Variants in APIP observed in about 807,000 individuals in gnomAD.
APIP encodes APAF1 interacting protein.
Under a neutral mutation model 32.0 loss-of-function variants are expected in APIP, and 32 were observed. The ratio of observed to expected loss-of-function variants is 1.00; its 90% confidence interval spans 0.76 to 1.34. The LOEUF is 1.34. APIP is among the 40% of genes most tolerant of loss of function. APIP has a pLI of 0.00. For missense variants in APIP, 247 were observed against 298.6 expected, an observed-to-expected ratio of 0.83 and a Z score of 1.27; for synonymous variants, 92 against 94.8, an observed-to-expected ratio of 0.97 and a Z score of 0.17.
intron 1 of APIP, among the ~76,000 whole-genome samples, chr11:34,902,334 T>C (rs1853382147): frequency 6.6e-6 from 1 of 152,214 alleles, no homozygotes; most frequent in Admixed American, 6.5e-5. Flanking sequence ...GTTAGGGTCT[T>C]GCATTAGTTG....
At chr11:34,915,858 T>A in intron 1 of APIP, 1 of 312,118 alleles carries the variant, frequency 3.2e-6, no homozygotes, top group Non-Finnish European at 5.9e-6. Flanking sequence ...GAAAAGAAGC[T>A]TGGGGGGCGC....
chr11:34,891,290 A>C (rs1853182165), intron 2 of APIP, among the ~76,000 whole-genome samples: 1 of 152,174 alleles, frequency 6.6e-6, no homozygotes. Context: ...AATTAATTTC[A>C]AATCTTCTCT....
chr11:34,905,661 A>C (rs1455761232), intron 1 of APIP, among the ~76,000 whole-genome samples: 1 of 152,184 alleles, frequency 6.6e-6, no homozygotes, highest in Non-Finnish European at 1.5e-5. Flanking sequence ...GGAGAGTGCA[A>C]CAAGGGTGAT....
At chr11:34,915,882 G>T in intron 1 of APIP, 1 of 381,912 alleles carries the variant, frequency 2.6e-6, no homozygotes. Flanking sequence ...CTTCGCCCCA[G>T]CTCCACTTCG....
chr11:34,893,122 T>C (rs987007653), intron 2 of APIP, among the ~76,000 whole-genome samples: 1 of 152,148 alleles, frequency 6.6e-6, no homozygotes, highest in Non-Finnish European at 1.5e-5. Context: ...TAAAAGCCCA[T>C]TTAATTTTAA....
chr11:34,894,008 T>C (rs151004289), intron 2 of APIP, among the ~76,000 whole-genome samples: 60 of 152,292 alleles, frequency 3.9e-4, no homozygotes, highest in African/African-American at 1.3e-3. Context: ...GACAATAATA[T>C]TCCTAACACA....
chr11:34,915,779 C>A, intron 1 of APIP: 1 of 203,108 alleles, frequency 4.9e-6, no homozygotes, highest in Non-Finnish European at 9.9e-6. Flanking sequence ...TGAGGCACAG[C>A]TCCGGTTCGG....
At chr11:34,887,537 G>T (rs1197418564) in intron 5 of APIP, among the ~76,000 whole-genome samples, 1 of 152,156 alleles carries the variant, frequency 6.6e-6, no homozygotes, top group Non-Finnish European at 1.5e-5. Flanking sequence ...ATTACATGCA[G>T]TAAGAATATG....
Position 34,906,201 on chromosome 11 carries a change from T to A in APIP, c.57+10027A>T, listed in dbSNP as rs141244633. ...TGTGGCTCCTGGATACATTTAATCC[T>A]CCCAAGGCATTGGAAGGGAACTTGT... On this transcript the variant is annotated intron_variant, in intron 1 of 6. Coordinates refer to ENST00000395787, the MANE Select transcript of APIP (RefSeq NM_015957.4). Among the ~76,000 whole-genome samples the A allele has an allele frequency of 2.9e-3, 443 of 152,244 alleles. 2 individuals carry two copies. The highest frequency in any genetic ancestry group is 0.01 in the African/African-American group (429 of 41,532).
At chr11:34,885,729 C>T (rs541648295) in intron 5 of APIP, among the ~76,000 whole-genome samples, 5 of 152,242 alleles carry the variant, frequency 3.3e-5, no homozygotes, top group South Asian at 2.1e-4. Flanking sequence ...TGGTGGCAGG[C>T]GCAGTGTGAG....
In APIP at chr11:34,888,877, TA is replaced by T. The variant is rs1853135097; in HGVS notation, c.208-9del. 1 of 1,450,826 alleles carries T rather than the reference TA, an allele frequency of 6.9e-7. No homozygotes were observed. The allele number at this position is 1,450,826 out of a possible 1,614,324, so 89.9% of individuals were successfully genotyped here. On this transcript the variant is annotated splice_polypyrimidine_tract_variant and intron_variant, in intron 3 of 6. Coordinates refer to ENST00000395787, the MANE Select transcript of APIP (RefSeq NM_015957.4). ...AACAAACATGTCTTCAGGCTATTTA[TA>T]GAGGGGAAAAAAAGAAAAAAAGAAG...
intron 1 of APIP, among the ~76,000 whole-genome samples, chr11:34,913,198 T>C (rs774239760): frequency 1.8e-4 from 27 of 152,204 alleles, no homozygotes; most frequent in Non-Finnish European, 3.5e-4. Flanking sequence ...CCAGGCCTTC[T>C]TCAGTCATCC....
chr11:34,885,008 C>T (rs1355882459), intron 5 of APIP, among the ~76,000 whole-genome samples: 1 of 151,026 alleles, frequency 6.6e-6, no homozygotes, highest in Non-Finnish European at 1.5e-5. Flanking sequence ...TTTCACTGTA[C>T]CATAGAGACA....
chr11:34,909,602 G>A (rs757567548), intron 1 of APIP, among the ~76,000 whole-genome samples: 2 of 152,184 alleles, frequency 1.3e-5, no homozygotes, highest in Non-Finnish European at 2.9e-5. Flanking sequence ...AACAGCAGGT[G>A]TGAAGGCTCT....
At chr11:34,906,927 T>C (rs1853468671) in intron 1 of APIP, among the ~76,000 whole-genome samples, 1 of 152,228 alleles carries the variant, frequency 6.6e-6, no homozygotes. Context: ...ACTCAAATCA[T>C]TTCCTCTTGC....
At chr11:34,914,209 C>A (rs1335392839) in intron 1 of APIP, among the ~76,000 whole-genome samples, 1 of 152,192 alleles carries the variant, frequency 6.6e-6, no homozygotes, top group Non-Finnish European at 1.5e-5. Context: ...CAAACTATGT[C>A]ATGTTGTCAT....
intron 2 of APIP, among the ~76,000 whole-genome samples, chr11:34,891,438 T>C (rs1853185048): frequency 1.3e-5 from 2 of 152,168 alleles, no homozygotes; most frequent in Admixed American, 6.6e-5. Flanking sequence ...CTACTGCATA[T>C]ATGCAAACCA....
chr11:34,888,432 A>G lies in APIP; in HGVS notation c.326-4T>C. 1 of 1,603,388 alleles carries G rather than the reference A, an allele frequency of 6.2e-7. No homozygotes were observed. The highest frequency in any genetic ancestry group is 8.5e-7 in the Non-Finnish European group (1 of 1,176,910). On this transcript the variant is annotated splice_polypyrimidine_tract_variant and splice_region_variant and intron_variant, in intron 4 of 6. Coordinates refer to ENST00000395787, the MANE Select transcript of APIP (RefSeq NM_015957.4). ...GTATGAATCACTGCACCTGCTCCTG[A>G]AGGAGGAAGAAGAAAGCCGCATGCT...
At chr11:34,909,818 G>A (rs1853517650) in intron 1 of APIP, among the ~76,000 whole-genome samples, 1 of 152,182 alleles carries the variant, frequency 6.6e-6, no homozygotes, top group South Asian at 2.1e-4. Context: ...AGAGGGCTTG[G>A]AGATCCTGAG....
Sources: allele counts gnomAD v4.1 joint callset (sites outside exome capture counted in the v4.1 genomes callset), GRCh38; gene constraint gnomAD v4.1.1; transcripts MANE v1.5; gene names NCBI Gene and HGNC (gene_info 2026-07-23, HGNC 2026-07-21).